The following B3GAT2 variants were observed in gnomAD, a reference collection of about 807,000 sequenced individuals.
B3GAT2 encodes galactosylgalactosylxylosylprotein 3-beta-glucuronosyltransferase 2.
B3GAT2 carries 26 observed loss-of-function variants against 27.8 expected under a neutral mutation model. The observed-to-expected ratio is 0.93, with a 90% CI of 0.68 to 1.30. B3GAT2 has a LOEUF of 1.30. Ranked by LOEUF, B3GAT2 falls within the 50% of genes most tolerant of loss-of-function variation. B3GAT2 has a pLI of 0.00. For missense variants in B3GAT2, 458 were observed against 459.0 expected, an observed-to-expected ratio of 1.00 and a Z score of 0.02; for synonymous variants, 218 against 195.1, an observed-to-expected ratio of 1.12 and a Z score of -0.98.
At position 70,902,617 on chromosome 6, in the gene B3GAT2, G is replaced by GATATATATATATATATATAT. The variant is rs61150776; in HGVS notation, c.592-8365_592-8346dup. Among the ~76,000 whole-genome samples, 81 of 125,256 alleles carry GATATATATATATATATATAT rather than the reference G, an allele frequency of 6.5e-4. No individual in the cohort carries two copies. In the East Asian group the frequency reaches 0.015, roughly 23 times the overall value. 82.2% of individuals were successfully genotyped at this position (125,256 alleles called of 152,430 possible). A position where few individuals can be genotyped will look rare whatever the true frequency, so the allele number is the denominator to read the frequency against. ...ACAGATGAATGGATTAAGAAAATGGGATATATATATATATATATATACACA... is the reference window on the plus strand; with the variant it reads ...ACAGATGAATGGATTAAGAAAATGGGATATATATATATATATATATATATATATATATATATATATACACA... On this transcript the variant is annotated intron_variant, in intron 1 of 3. Transcript: ENST00000230053.
At chr6:70,878,934 C>G (rs920615931) in intron 2 of B3GAT2, among the ~76,000 whole-genome samples, 1 of 151,906 alleles carries the variant, frequency 6.6e-6, no homozygotes. Context: ...CATTTCCTAT[C>G]CTCTCCGTCA....
chr6:70,887,853 G>A lies in B3GAT2; in HGVS notation c.736+6275C>T, dbSNP rs146124524. On this transcript the variant is annotated intron_variant, in intron 2 of 3. Coordinates refer to ENST00000230053, the MANE Select transcript of B3GAT2 (RefSeq NM_080742.3). ...AGGGGCATCAGTGCAGGCCCCAAAG[G>A]GAAGGGTAGAATGTGCTGGAGGAAG... Among the ~76,000 whole-genome samples, 3 of 152,312 alleles carry A rather than the reference G, an allele frequency of 2.0e-5. No homozygotes were observed. The East Asian group carries it at 5.8e-4, about 29-fold the overall frequency.
In B3GAT2 at chr6:70,956,472, A is replaced by T; in HGVS notation, c.-43T>A. 1 of 1,549,070 alleles carries T rather than the reference A, an allele frequency of 6.5e-7. No individual in the cohort carries two copies. Among genetic ancestry groups the T allele is most frequent in the South Asian group, 1.2e-5 (1 of 83,960 alleles). ...CTCTCGGACACCCCAGAGAGGGGCGAGCCGAGGGACCCCAGTGCGCAGCTT... is the reference window on the plus strand; with the variant it reads ...CTCTCGGACACCCCAGAGAGGGGCGTGCCGAGGGACCCCAGTGCGCAGCTT... On this transcript the variant is annotated 5_prime_UTR_variant, in exon 1 of 4. Transcript: ENST00000230053.
rs1771600613 is a variant in B3GAT2, at chr6:70,859,450, A to C, written c.*2213T>G. ...ACGTGATCTGCTTCTTCAGACACTTATGCCTGATTAGTGATGTAGTTTATG... is the reference window on the plus strand; with the variant it reads ...ACGTGATCTGCTTCTTCAGACACTTCTGCCTGATTAGTGATGTAGTTTATG... On this transcript the variant is annotated 3_prime_UTR_variant, in exon 4 of 4. Coordinates refer to ENST00000230053, the MANE Select transcript of B3GAT2 (RefSeq NM_080742.3). 7.5e-7 allele frequency: 1 copy of C among 1,328,316 alleles called. No individual in the cohort carries two copies. The highest frequency in any genetic ancestry group is 1.5e-5 in the African/African-American group (1 of 68,652). The allele number at this position is 1,328,316 out of a possible 1,614,324, so 82.3% of individuals were successfully genotyped here.
chr6:70,919,976 C>T (rs149876991), intron 1 of B3GAT2, among the ~76,000 whole-genome samples: 215 of 152,312 alleles, frequency 1.4e-3, no homozygotes, highest in East Asian at 5.4e-3. Flanking sequence ...AAGCTGTCTG[C>T]GGCATTTTTT....
At chr6:70,904,898 T>G (rs185300157) in intron 1 of B3GAT2, among the ~76,000 whole-genome samples, 13 of 152,254 alleles carry the variant, frequency 8.5e-5, no homozygotes, top group African/African-American at 3.1e-4. Context: ...AGTCACTCCC[T>G]TGGCCAAGTG....
At position 70,859,594 on chromosome 6, in the gene B3GAT2, C is replaced by G. The variant is rs1582327332; in HGVS notation, c.*2069G>C. The G allele has an allele frequency of 7.3e-6, 3 of 410,156 alleles. No homozygotes were observed. The highest frequency in any genetic ancestry group is 5.7e-5 in the South Asian group (1 of 17,640). The allele number at this position is 410,156 out of a possible 1,614,324, so 25.4% of individuals were successfully genotyped here. ...TATGGTAAATCTTGCCTTTCCTTCT[C>G]TTATCACCAATTTTGGAAGTAAGAG... is the stretch of plus-strand genomic sequence containing the variant. On this transcript the variant is annotated 3_prime_UTR_variant, in exon 4 of 4. Coordinates refer to ENST00000230053, the MANE Select transcript of B3GAT2 (RefSeq NM_080742.3).
Position 70,857,659 on chromosome 6 carries a change from T to C in B3GAT2, c.*4004A>G. The C allele has an allele frequency of 2.1e-6, 1 of 466,554 alleles. No homozygotes were observed. Among genetic ancestry groups the C allele is most frequent in the Non-Finnish European group, 3.9e-6 (1 of 256,924 alleles). The allele number at this position is 466,554 out of a possible 1,614,324, so 28.9% of individuals were successfully genotyped here. On this transcript the variant is annotated 3_prime_UTR_variant, in exon 4 of 4. Transcript: ENST00000230053. ...ATGCTACATAGTTTGGTCTTCACAG[T>C]GGAAGATATTTTGTGTGGCTGTTGC...
intron 1 of B3GAT2, among the ~76,000 whole-genome samples, chr6:70,935,646 T>C (rs538199026): frequency 6.6e-6 from 1 of 152,242 alleles, no homozygotes; most frequent in South Asian, 2.1e-4. Context: ...CAGTTTAAAA[T>C]GATTTTTAAA....
intron 1 of B3GAT2, among the ~76,000 whole-genome samples, chr6:70,907,500 A>T (rs953189895): frequency 6.6e-6 from 1 of 152,178 alleles, no homozygotes; most frequent in Non-Finnish European, 1.5e-5. Flanking sequence ...GTATATCTGG[A>T]CTTCCTGTTA....
At chr6:70,882,871 G>A (rs1772120721) in intron 2 of B3GAT2, among the ~76,000 whole-genome samples, 1 of 152,176 alleles carries the variant, frequency 6.6e-6, no homozygotes, top group African/African-American at 2.4e-5. Context: ...AGAACTGTGA[G>A]AAAATCCATT....
chr6:70,956,433 G>A lies in B3GAT2; in HGVS notation c.-4C>T. 6.4e-7 allele frequency: 1 copy of A among 1,551,072 alleles called. No individual in the cohort carries two copies. The highest frequency in any genetic ancestry group is 8.7e-7 in the Non-Finnish European group (1 of 1,146,818). Reference sequence around the variant, plus strand: ...GGGTGAAAAGCGCGGACTTCATGGTGCACGCTCCCTGGCCTCTCGGACACC... The same window carrying A: ...GGGTGAAAAGCGCGGACTTCATGGTACACGCTCCCTGGCCTCTCGGACACC... On this transcript the variant is annotated 5_prime_UTR_variant, in exon 1 of 4. Transcript: ENST00000230053.
At chr6:70,934,660 T>A (rs989110308) in intron 1 of B3GAT2, among the ~76,000 whole-genome samples, 9 of 152,162 alleles carry the variant, frequency 5.9e-5, no homozygotes, top group Admixed American at 1.3e-4. Flanking sequence ...CCATGTAATT[T>A]TTGGCTTAAA....
intron 2 of B3GAT2, among the ~76,000 whole-genome samples, chr6:70,880,660 T>TC (rs996745755): frequency 1.2e-4 from 18 of 151,562 alleles, no homozygotes; most frequent in South Asian, 1.0e-3. Flanking sequence ...GCTAATTTTT[T>TC]TTTTTTTTTG....
intron 1 of B3GAT2, among the ~76,000 whole-genome samples, 188 bp from the exon 2 acceptor site, chr6:70,894,460 T>A (rs992987702): frequency 1.3e-5 from 2 of 152,162 alleles, no homozygotes; most frequent in Admixed American, 6.5e-5. Context: ...TGTGCCATGA[T>A]CTCTACTCGG....
At chr6:70,954,761 CAAG>C (rs1166277263) in intron 1 of B3GAT2, among the ~76,000 whole-genome samples, 2 of 152,180 alleles carry the variant, frequency 1.3e-5, no homozygotes, top group South Asian at 2.1e-4. Context: ...TCAAATCAAT[CAAG>C]AAGATTTTCT....
chr6:70,869,159 A>T (rs1366337713), intron 2 of B3GAT2, among the ~76,000 whole-genome samples: 1 of 152,118 alleles, frequency 6.6e-6, no homozygotes, highest in Non-Finnish European at 1.5e-5. Flanking sequence ...TCCTTATGTC[A>T]GTACCACACT....
chr6:70,952,435 G>A (rs1007495246), intron 1 of B3GAT2, among the ~76,000 whole-genome samples: 11 of 151,928 alleles, frequency 7.2e-5, no homozygotes, highest in African/African-American at 2.4e-4. Flanking sequence ...TTAAATTTAA[G>A]AAAGCTTTGA....
intron 2 of B3GAT2, among the ~76,000 whole-genome samples, chr6:70,862,733 G>A (rs1480510656): frequency 6.6e-6 from 1 of 152,170 alleles, no homozygotes; most frequent in African/African-American, 2.4e-5. Flanking sequence ...ACTTTGGGAG[G>A]CCAAGGCAGA....
Sources: gnomAD v4.1 joint callset for allele counts (sites outside exome capture counted in the v4.1 genomes callset) on GRCh38, gnomAD v4.1.1 for gene constraint, MANE v1.5 for transcripts, NCBI Gene and HGNC (gene_info 2026-07-23, HGNC 2026-07-21) for gene names.